The following ASH1L variants were observed in gnomAD, a reference collection of about 807,000 sequenced individuals.
ASH1L encodes the protein histone-lysine N-methyltransferase ASH1L.
ASH1L carries 23 observed loss-of-function variants against 269.0 expected under a neutral mutation model. The ratio of observed to expected loss-of-function variants is 0.09; its 90% CI spans 0.06 to 0.12. The LOEUF is 0.12. Ranked by LOEUF, ASH1L falls within the 10% of genes least tolerant of loss-of-function variation. The pLI, the probability that ASH1L is intolerant of heterozygous loss-of-function variation, is 1.00. For missense variants in ASH1L, 2,912 were observed against 3,567.8 expected (o/e 0.82, Z 4.68); for synonymous variants, 1,187 against 1,253.5 (o/e 0.95, Z 1.12).
At chr1:155,554,560 C>G (rs1671454110) in intron 1 of ASH1L, among the ~76,000 whole-genome samples, 1 of 152,150 alleles carries the variant, frequency 6.6e-6, no homozygotes, top group Non-Finnish European at 1.5e-5. Context: ...GCGTGAGCCA[C>G]CATGCCCAGC....
chr1:155,451,034 C>T (rs111597771), intron 4 of ASH1L, among the ~76,000 whole-genome samples: 1,579 of 151,352 alleles, frequency 0.01, 39 homozygotes, highest in African/African-American at 0.037. Flanking sequence ...CCTATCTCTA[C>T]TAAAAATACA....
At chr1:155,349,647 CA>C in intron 17 of ASH1L, 51 bp from the exon 18 acceptor site, 1 of 1,507,922 alleles carries the variant, frequency 6.6e-7, no homozygotes, top group Non-Finnish European at 9.2e-7. Flanking sequence ...ACAAGGGAGG[CA>C]AGCATCTCCT....
chr1:155,451,188 A>C (rs537530834), intron 4 of ASH1L, among the ~76,000 whole-genome samples: 3 of 143,348 alleles, frequency 2.1e-5, no homozygotes, highest in East Asian at 2.1e-4. Context: ...CAAGAGCAAA[A>C]CTCCACCTCA....
chr1:155,521,686 T>C, intron 1 of ASH1L, 68 bp from the exon 2 acceptor site: 2 of 543,726 alleles, frequency 3.7e-6, no homozygotes. Context: ...AAGTAATGGG[T>C]ATAGGGGAAG....
At chr1:155,353,931 T>C (rs1379420982) in intron 16 of ASH1L, among the ~76,000 whole-genome samples, 2 of 152,214 alleles carry the variant, frequency 1.3e-5, no homozygotes, top group African/African-American at 2.4e-5. Context: ...ATCTATCTGA[T>C]ACCTAATGAC....
chr1:155,551,856 A>G (rs1272460875), intron 1 of ASH1L, among the ~76,000 whole-genome samples: 6 of 142,432 alleles, frequency 4.2e-5, no homozygotes, highest in South Asian at 2.3e-4. Context: ...GGCGCCTGTA[A>G]TCCCAGTGAC....
intron 6 of ASH1L, among the ~76,000 whole-genome samples, chr1:155,400,699 A>G (rs1658757152): frequency 6.6e-6 from 1 of 152,226 alleles, no homozygotes; most frequent in African/African-American, 2.4e-5. Context: ...ACCTTCCTAA[A>G]GATGTTAACA....
intron 2 of ASH1L, among the ~76,000 whole-genome samples, chr1:155,511,195 G>C (rs576053247): frequency 9.2e-5 from 14 of 152,268 alleles, no homozygotes; most frequent in Non-Finnish European, 8.8e-5. Flanking sequence ...GTTTCCCTTT[G>C]TTTGCAAAAC....
chr1:155,551,063 C>A (rs1053326867), intron 1 of ASH1L, among the ~76,000 whole-genome samples: 1 of 152,026 alleles, frequency 6.6e-6, no homozygotes, highest in African/African-American at 2.4e-5. Context: ...TCAAGCAATC[C>A]CCCCACCTCA....
At chr1:155,507,317 T>C (rs1161115270) in intron 2 of ASH1L, among the ~76,000 whole-genome samples, 16 of 152,058 alleles carry the variant, frequency 1.1e-4, no homozygotes, top group Admixed American at 1.0e-3. Flanking sequence ...AATTCAAAAT[T>C]ATTTCTTCAA....
At chr1:155,405,415 G>T (rs1352536989) in intron 6 of ASH1L, among the ~76,000 whole-genome samples, 1 of 152,098 alleles carries the variant, frequency 6.6e-6, no homozygotes, top group African/African-American at 2.4e-5. Context: ...CCAAGAGGGG[G>T]AAGTTGCAGT....
At chr1:155,369,231 C>T (rs1046797796) in intron 12 of ASH1L, among the ~76,000 whole-genome samples, 8 of 152,130 alleles carry the variant, frequency 5.3e-5, no homozygotes, top group Non-Finnish European at 1.2e-4. Flanking sequence ...ATCACAAGGT[C>T]AGGAGATCGA....
intron 2 of ASH1L, among the ~76,000 whole-genome samples, chr1:155,490,573 G>A (rs1200175110): frequency 2.7e-5 from 4 of 150,700 alleles, no homozygotes; most frequent in Admixed American, 2.7e-4. Context: ...AGCAAAGATC[G>A]CACCACGGCA....
chr1:155,446,167 A>T (rs1663007903), intron 4 of ASH1L, among the ~76,000 whole-genome samples: 1 of 151,466 alleles, frequency 6.6e-6, no homozygotes, highest in Non-Finnish European at 1.5e-5. Context: ...TACAGGCGTG[A>T]GCCACCGCAC....
At chr1:155,454,084 G>A (rs1014422110) in intron 4 of ASH1L, among the ~76,000 whole-genome samples, 5 of 152,192 alleles carry the variant, frequency 3.3e-5, no homozygotes, top group African/African-American at 4.8e-5. Context: ...CAGCCTGAGC[G>A]ACGGAGCAAG....
At chr1:155,542,434 A>T (rs1360997542) in intron 1 of ASH1L, among the ~76,000 whole-genome samples, 1 of 151,878 alleles carries the variant, frequency 6.6e-6, no homozygotes, top group Non-Finnish European at 1.5e-5. Context: ...CTGTAGTCCC[A>T]GCTACTTGGA....
intron 12 of ASH1L, among the ~76,000 whole-genome samples, chr1:155,369,504 AAACTT>A (rs1314953268): frequency 6.6e-6 from 1 of 152,204 alleles, no homozygotes; most frequent in African/African-American, 2.4e-5. Context: ...TAATTTTTAA[AAACTT>A]AACAAAAAAC....
chr1:155,354,886 A>G (rs1005402600), intron 15 of ASH1L, among the ~76,000 whole-genome samples: 1 of 152,340 alleles, frequency 6.6e-6, no homozygotes, highest in East Asian at 1.9e-4. Context: ...CCTGACCAGA[A>G]GGCAGAGATT....
chr1:155,354,565 T>G lies in ASH1L; in HGVS notation c.7121A>C (p.Glu2374Ala). 6.2e-7 allele frequency: 1 copy of G among 1,614,070 alleles called. No homozygotes were observed. Among genetic ancestry groups the G allele is most frequent in the East Asian group, 2.2e-5 (1 of 44,884 alleles). Reference protein sequence around the residue: ...RNWEKIRQKQEEVKHTSDNIH... With the variant: ...RNWEKIRQKQAEVKHTSDNIH... ...ATTATCACTGGTGTGCTTTACTTCC[T>G]CCTGTTTTTGACGAATCTTCTCCCA... Residue 2374 changes from glutamate to alanine, a missense_variant, in exon 16 of 28, where the codon GAG (glutamate) becomes GCG (alanine). By Grantham distance (107) the Glu-to-Ala change is moderately radical. Around this residue, in one of 13 missense-constraint regions of ASH1L, gnomAD observed 309 missense variants for 435.1 expected, o/e 0.71. Coordinates refer to ENST00000392403, the MANE Select transcript of ASH1L (RefSeq NM_018489.3).
Sources: gnomAD v4.1 joint callset for allele counts (sites outside exome capture counted in the v4.1 genomes callset) on GRCh38, gnomAD v4.1.1 for gene constraint, gnomAD v4.1.1 regional missense constraint, MANE v1.5 for transcripts, NCBI Gene and HGNC (gene_info 2026-07-23, HGNC 2026-07-21) for gene names.